The following MARCHF3 variants were observed in gnomAD, a reference collection of about 807,000 sequenced individuals.
MARCHF3 encodes membrane associated ring-CH-type finger 3.
MARCHF3 carries 13 observed loss-of-function variants against 24.2 expected under a neutral mutation model. The observed-to-expected ratio is 0.54, with a 90% CI of 0.35 to 0.85. The LOEUF is 0.85. MARCHF3 is among the 40% of genes least tolerant of loss of function. The pLI is 0.01. For synonymous variants in MARCHF3, 144 were observed against 137.3 expected (o/e 1.05, Z -0.34); for missense variants, 276 against 325.0 (o/e 0.85, Z 1.16).
In MARCHF3 at chr5:126,870,805, A is replaced by G. The variant is rs778553016; in HGVS notation, c.604-14T>C. 19 of 1,612,794 alleles carry G rather than the reference A, an allele frequency of 1.2e-5. No homozygotes were observed. Among genetic ancestry groups the G allele is most frequent in the Non-Finnish European group, 1.6e-5 (19 of 1,179,112 alleles). ...CCTAAATGACACCTGGGGATGGGAGAGGAAAAGTAAGAGAAAAGAATTCAG... is the reference window on the plus strand; with the variant it reads ...CCTAAATGACACCTGGGGATGGGAGGGGAAAAGTAAGAGAAAAGAATTCAG... On this transcript the variant is annotated splice_polypyrimidine_tract_variant and intron_variant, in intron 4 of 4. Coordinates refer to ENST00000308660, the MANE Select transcript of MARCHF3 (RefSeq NM_178450.5).
chr5:127,020,323 A>C (rs556320166), intron 1 of MARCHF3, among the ~76,000 whole-genome samples: 1 of 152,238 alleles, frequency 6.6e-6, no homozygotes, highest in Non-Finnish European at 1.5e-5. Context: ...CACACTGTTT[A>C]GGGACAAGAG....
intron 3 of MARCHF3, among the ~76,000 whole-genome samples, chr5:126,907,716 C>G (rs879626772): frequency 0.014 from 2,066 of 146,398 alleles, 17 homozygotes; most frequent in Non-Finnish European, 0.022. Context: ...ATGTGTGTCT[C>G]TGCACGTGAG....
chr5:126,932,046 C>A (rs975731678), intron 1 of MARCHF3, among the ~76,000 whole-genome samples: 1 of 152,242 alleles, frequency 6.6e-6, no homozygotes, highest in Non-Finnish European at 1.5e-5. Flanking sequence ...AAGTGCCTAG[C>A]ACAAAGCTTA....
intron 1 of MARCHF3, among the ~76,000 whole-genome samples, chr5:126,951,495 G>C (rs1277481602): frequency 6.6e-6 from 1 of 152,144 alleles, no homozygotes; most frequent in Non-Finnish European, 1.5e-5. Context: ...CTGAACTCCT[G>C]AATCCACCAC....
chr5:126,883,800 T>C (rs1217955141), intron 3 of MARCHF3, among the ~76,000 whole-genome samples: 5 of 152,228 alleles, frequency 3.3e-5, no homozygotes, highest in African/African-American at 1.2e-4. Flanking sequence ...GACAGGACAC[T>C]GTGCAGGTCA....
chr5:127,015,912 G>C (rs1473711700), intron 1 of MARCHF3, among the ~76,000 whole-genome samples: 1 of 152,076 alleles, frequency 6.6e-6, no homozygotes, highest in Non-Finnish European at 1.5e-5. Context: ...TGCATCCTCT[G>C]CTTGTGCAGC....
intron 1 of MARCHF3, among the ~76,000 whole-genome samples, chr5:126,970,386 C>A (rs1174837802): frequency 6.6e-6 from 1 of 152,146 alleles, no homozygotes; most frequent in Non-Finnish European, 1.5e-5. Context: ...CTGCGCCCAG[C>A]TGGCTTATGC....
chr5:126,950,363 C>T (rs1028308610), intron 1 of MARCHF3, among the ~76,000 whole-genome samples: 2 of 152,124 alleles, frequency 1.3e-5, no homozygotes, highest in Non-Finnish European at 2.9e-5. Flanking sequence ...TCACTCTTCT[C>T]GACAACAATT....
chr5:126,902,695 A>G (rs763260161), intron 3 of MARCHF3, among the ~76,000 whole-genome samples: 5 of 152,098 alleles, frequency 3.3e-5, no homozygotes, highest in Non-Finnish European at 5.9e-5. Context: ...GCAAGCTGTG[A>G]ATTTAATAGA....
intron 1 of MARCHF3, among the ~76,000 whole-genome samples, chr5:126,948,610 T>A (rs776233190): frequency 7.2e-5 from 11 of 152,202 alleles, no homozygotes; most frequent in Non-Finnish European, 1.6e-4. Flanking sequence ...TGGAGTTCTG[T>A]ATAGTGATCC....
intron 4 of MARCHF3, among the ~76,000 whole-genome samples, chr5:126,872,896 G>C (rs1320372494): frequency 6.6e-6 from 1 of 151,970 alleles, no homozygotes; most frequent in Non-Finnish European, 1.5e-5. Flanking sequence ...ATTCTGTCCT[G>C]CTGCTGCTTG....
chr5:126,918,304 T>A, intron 1 of MARCHF3, 77 bp from the exon 2 acceptor site: 1 of 840,736 alleles, frequency 1.2e-6, no homozygotes, highest in South Asian at 1.8e-5. Context: ...ACCAACATCA[T>A]CATCATGTCA....
At chr5:126,912,035 C>T (rs1754551936) in intron 3 of MARCHF3, among the ~76,000 whole-genome samples, 1 of 152,172 alleles carries the variant, frequency 6.6e-6, no homozygotes, top group Admixed American at 6.5e-5. Context: ...GGAGGGCATG[C>T]CCAGTTTGGA....
intron 3 of MARCHF3, among the ~76,000 whole-genome samples, chr5:126,906,915 G>T (rs1409742342): frequency 6.6e-6 from 1 of 151,976 alleles, no homozygotes; most frequent in Non-Finnish European, 1.5e-5. Flanking sequence ...ATGTTAGGGT[G>T]TCAATTTTGG....
intron 1 of MARCHF3, among the ~76,000 whole-genome samples, chr5:126,925,009 G>A (rs75991232): frequency 0.022 from 3,416 of 152,314 alleles, 113 homozygotes; most frequent in African/African-American, 0.078. Flanking sequence ...GGCGCTTGAT[G>A]AGTCTGCAGA....
At chr5:126,909,315 A>C (rs1327533057) in intron 3 of MARCHF3, among the ~76,000 whole-genome samples, 5 of 152,242 alleles carry the variant, frequency 3.3e-5, no homozygotes, top group African/African-American at 4.8e-5. Context: ...CTATAGAGGC[A>C]GGCAGGCCTC....
intron 1 of MARCHF3, among the ~76,000 whole-genome samples, chr5:126,935,611 T>C (rs1429621671): frequency 1.4e-5 from 2 of 139,968 alleles, no homozygotes; most frequent in African/African-American, 5.3e-5. Flanking sequence ...CTTTTTTTTT[T>C]TTTTTTTTTT....
intron 1 of MARCHF3, among the ~76,000 whole-genome samples, chr5:126,935,762 C>A (rs953656748): frequency 1.3e-5 from 2 of 151,768 alleles, no homozygotes; most frequent in African/African-American, 4.8e-5. Context: ...AGGCGCCTGC[C>A]ACCATGCCTG....
At chr5:126,965,501 G>T (rs188888144) in intron 1 of MARCHF3, among the ~76,000 whole-genome samples, 56 of 152,322 alleles carry the variant, frequency 3.7e-4, no homozygotes, top group Non-Finnish European at 7.2e-4. Flanking sequence ...CTGCTTTAGA[G>T]ACAGTTTTTA....
Sources: allele counts gnomAD v4.1 joint callset (sites outside exome capture counted in the v4.1 genomes callset), GRCh38; gene constraint gnomAD v4.1.1; transcripts MANE v1.5; gene names NCBI Gene and HGNC (gene_info 2026-07-23, HGNC 2026-07-21).